PTPN4: variants seen among roughly 807,000 people sequenced by gnomAD.
PTPN4 encodes the protein protein tyrosine phosphatase non-receptor type 4.
Under a neutral mutation model 135.5 loss-of-function variants are expected in PTPN4, and 49 were observed. The ratio of observed to expected loss-of-function variants is 0.36; its 90% CI spans 0.29 to 0.46. The LOEUF (loss-of-function observed/expected upper bound fraction) is 0.46. PTPN4 is among the 20% of genes least tolerant of loss of function. The pLI is 1.00. For synonymous variants in PTPN4, 333 were observed against 369.9 expected (o/e 0.90, Z 1.14); for missense variants, 860 against 1,101.0 (o/e 0.78, Z 3.10).
At chr2:119,970,655 CAAT>C (rs1454849624) in intron 26 of PTPN4, among the ~76,000 whole-genome samples, 1 of 152,100 alleles carries the variant, frequency 6.6e-6, no homozygotes, top group Non-Finnish European at 1.5e-5. Context: ...TTTTCTTGTT[CAAT>C]AATATTTCAT....
At chr2:119,916,063 G>C (rs1046007550) in intron 11 of PTPN4, 1 of 151,788 alleles carries the variant, frequency 6.6e-6, no homozygotes, top group Non-Finnish European at 1.5e-5. Flanking sequence ...GGCCAGGTGT[G>C]ATGATGTGTG....
At chr2:119,793,292 C>G (rs1409230580) in intron 1 of PTPN4, among the ~76,000 whole-genome samples, 2 of 152,304 alleles carry the variant, frequency 1.3e-5, no homozygotes, top group South Asian at 4.1e-4. Flanking sequence ...AGCGATGTTT[C>G]TCTTACCCGT....
At chr2:119,854,639 AT>A (rs895188718) in intron 2 of PTPN4, among the ~76,000 whole-genome samples, 6 of 152,118 alleles carry the variant, frequency 3.9e-5, no homozygotes, top group African/African-American at 1.4e-4. Context: ...TTGGAGTTTG[AT>A]TGCTTCTAGG....
intron 9 of PTPN4, among the ~76,000 whole-genome samples, chr2:119,889,741 G>A (rs1475888604): frequency 6.6e-6 from 1 of 151,678 alleles, no homozygotes; most frequent in Non-Finnish European, 1.5e-5. Flanking sequence ...TCCTTTTTTT[G>A]TGTAGGCATT....
At chr2:119,820,320 G>T (rs1677047046) in intron 2 of PTPN4, among the ~76,000 whole-genome samples, 1 of 152,214 alleles carries the variant, frequency 6.6e-6, no homozygotes, top group African/African-American at 2.4e-5. Context: ...TTTGGGAAAG[G>T]ATGTATGACA....
chr2:119,951,970 C>T lies in PTPN4; in HGVS notation c.1657-3C>T. 6.2e-7 allele frequency: 1 copy of T among 1,602,146 alleles called. No homozygotes were observed. Among genetic ancestry groups the T allele is most frequent in the African/African-American group, 1.3e-5 (1 of 74,454 alleles). On this transcript the variant is annotated splice_polypyrimidine_tract_variant and splice_region_variant and intron_variant, in intron 18 of 26. Coordinates refer to ENST00000263708, the MANE Select transcript of PTPN4 (RefSeq NM_002830.4). The stretch of plus-strand genomic sequence containing the variant: ...CTGAAACCTTATCTATATTATATTA[C>T]AGGCTGACCTCTGTGTCCCTAGACT...
chr2:119,926,389 A>T (rs978928235), intron 12 of PTPN4, among the ~76,000 whole-genome samples: 1 of 152,200 alleles, frequency 6.6e-6, no homozygotes, highest in Admixed American at 6.5e-5. Flanking sequence ...AGTTGAACAC[A>T]TCTTTCTTCA....
intron 1 of PTPN4, among the ~76,000 whole-genome samples, chr2:119,792,065 T>C (rs548478098): frequency 6.6e-6 from 1 of 152,364 alleles, no homozygotes; most frequent in African/African-American, 2.4e-5. Flanking sequence ...GACTGATTCT[T>C]CTGTCTGTTC....
At chr2:119,952,905 TCAAA>T (rs1448521065) in intron 19 of PTPN4, among the ~76,000 whole-genome samples, 1 of 152,226 alleles carries the variant, frequency 6.6e-6, no homozygotes, top group African/African-American at 2.4e-5. Context: ...TTTGGATAGC[TCAAA>T]CTATAAATTG....
intron 1 of PTPN4, among the ~76,000 whole-genome samples, chr2:119,772,766 T>G (rs1315329582): frequency 2.0e-5 from 3 of 152,184 alleles, no homozygotes; most frequent in African/African-American, 7.2e-5. Flanking sequence ...CTTGAACTCC[T>G]GACCTCAAGT....
At chr2:119,787,217 A>T (rs748026213) in intron 1 of PTPN4, among the ~76,000 whole-genome samples, 5 of 152,198 alleles carry the variant, frequency 3.3e-5, no homozygotes, top group African/African-American at 7.2e-5. Flanking sequence ...CCTGGGCAAT[A>T]AACCTGGCTG....
chr2:119,904,715 C>A (rs1166887096), intron 10 of PTPN4, among the ~76,000 whole-genome samples: 1 of 152,164 alleles, frequency 6.6e-6, no homozygotes, highest in Non-Finnish European at 1.5e-5. Flanking sequence ...AAAAACCTTA[C>A]AGGCCAGGAG....
intron 2 of PTPN4, among the ~76,000 whole-genome samples, chr2:119,862,019 T>C (rs1677767110): frequency 1.3e-5 from 2 of 152,176 alleles, no homozygotes; most frequent in African/African-American, 4.8e-5. Flanking sequence ...AAGTAATATT[T>C]AGCCAAATAT....
rs1315047212 is a variant in PTPN4 at position 119,982,700 on chromosome 2, G to A, written c.*5630G>A. ...TGTTTACCATAGAGAACGTTGCCAG[G>A]CTTTGTCAAATGAGGACATTGTTGT... On this transcript the variant is annotated 3_prime_UTR_variant, in exon 27 of 27. Coordinates refer to ENST00000263708, the MANE Select transcript of PTPN4 (RefSeq NM_002830.4). The A allele has an allele frequency of 6.6e-6, 1 of 152,128 alleles. No individual in the cohort carries two copies. Among genetic ancestry groups the A allele is most frequent in the Admixed American group, 6.6e-5 (1 of 15,264 alleles). 9.4% of individuals were successfully genotyped at this position (152,128 alleles called of 1,614,324 possible).
rs1048391262 is a variant in PTPN4 at position 119,905,528 on chromosome 2, G to A, written c.764+4722G>A. On this transcript the variant is annotated intron_variant, in intron 10 of 26. Transcript: ENST00000263708. ...AGACTCCAATACAATAGTAGTTGGG[G>A]ACTTCAGCACACCAGATTCACCACT... Among the ~76,000 whole-genome samples, 3 of 152,232 alleles carry A rather than the reference G, an allele frequency of 2.0e-5. No homozygotes were observed. The South Asian group carries it at 6.2e-4, about 32-fold the overall frequency.
intron 2 of PTPN4, among the ~76,000 whole-genome samples, chr2:119,814,733 C>A (rs1676962474): frequency 6.6e-6 from 1 of 152,076 alleles, no homozygotes; most frequent in South Asian, 2.1e-4. Flanking sequence ...CATTTTTAAC[C>A]TTGACATCTC....
chr2:119,895,571 G>A (rs544738599), intron 9 of PTPN4, among the ~76,000 whole-genome samples: 4 of 152,090 alleles, frequency 2.6e-5, no homozygotes, highest in Admixed American at 6.5e-5. Flanking sequence ...ACCTGGGAGC[G>A]GAGGTTGCAG....
chr2:119,797,809 T>G (rs1036888327), intron 1 of PTPN4, among the ~76,000 whole-genome samples: 2 of 152,214 alleles, frequency 1.3e-5, no homozygotes, highest in African/African-American at 4.8e-5. Flanking sequence ...GTTAACAGAA[T>G]TTTAAATATG....
intron 10 of PTPN4, among the ~76,000 whole-genome samples, chr2:119,901,870 T>TAC (rs1678409639): frequency 6.6e-6 from 1 of 152,002 alleles, no homozygotes; most frequent in South Asian, 2.1e-4. Context: ...CGGTAGATTA[T>TAC]ACACAAGAAA....
Sources: allele counts gnomAD v4.1 joint callset (sites outside exome capture counted in the v4.1 genomes callset), GRCh38; gene constraint gnomAD v4.1.1; transcripts MANE v1.5; gene names NCBI Gene and HGNC (gene_info 2026-07-23, HGNC 2026-07-21).